SRGAP2B: variants seen among roughly 807,000 people sequenced by gnomAD.
SRGAP2B encodes the protein SLIT-ROBO Rho GTPase-activating protein 2B.
A neutral mutation model predicts 22.2 loss-of-function variants in SRGAP2B; 9 were observed. That is an observed-to-expected ratio of 0.41 (90% confidence interval 0.24 to 0.71). The LOEUF is 0.71. SRGAP2B is among the 30% of genes least tolerant of loss of function. SRGAP2B has a pLI of 0.35. For missense variants in SRGAP2B, 114 were observed against 235.8 expected (o/e 0.48, Z 3.38); for synonymous variants, 36 against 87.4 (o/e 0.41, Z 3.28).
At position 144,930,981 on chromosome 1, in the gene SRGAP2B, T is replaced by C. The variant is rs1349171880; in HGVS notation, c.424-16227A>G. 1.3e-4 allele frequency among the ~76,000 whole-genome samples: 19 copies of C among 146,706 alleles called. 1 individual carries two copies. The highest frequency in any genetic ancestry group is 4.8e-4 in the African/African-American group (18 of 37,712). On this transcript the variant is annotated intron_variant, in intron 4 of 9. Coordinates refer to ENST00000612199, the Ensembl canonical transcript of SRGAP2B. The stretch of plus-strand genomic sequence containing the variant: ...TGGCATTCGAGGCTCTTTTCGGCTT[T>C]GTTTCAAGCTGCTCTCCTCATTAAC...
chr1:145,075,782 A>G (rs1272546782), intron 2 of SRGAP2B, among the ~76,000 whole-genome samples: 1 of 147,630 alleles, frequency 6.8e-6, no homozygotes, highest in Non-Finnish European at 1.5e-5. Context: ...TTGTCTCTAG[A>G]TTGCAATTTA....
At chr1:145,080,890 C>G (rs1347580447) in intron 2 of SRGAP2B, among the ~76,000 whole-genome samples, 3 of 149,232 alleles carry the variant, frequency 2.0e-5, no homozygotes, top group Admixed American at 6.6e-5. Context: ...AATAATGAAC[C>G]CTGAAAGCTG....
rs1198488404 is a variant in SRGAP2B at position 144,981,040 on chromosome 1, G to A, written c.260+13968C>T. 4.7e-5 allele frequency among the ~76,000 whole-genome samples: 7 copies of A among 148,426 alleles called. No homozygotes were observed. The East Asian group carries it at 9.9e-4, about 21-fold the overall frequency. ...CTTATTATTCTCTCTCAGCCTGCCC[G>A]ATTTCCCCCATTTCAATTATAAAAA... On this transcript the variant is annotated intron_variant, in intron 3 of 9. Coordinates refer to ENST00000612199, the Ensembl canonical transcript of SRGAP2B.
intron 2 of SRGAP2B, among the ~76,000 whole-genome samples, chr1:145,006,951 C>T (rs1317522395): frequency 1.3e-5 from 2 of 150,764 alleles, no homozygotes; most frequent in African/African-American, 5.0e-5. Flanking sequence ...GTTCTGCCAC[C>T]TGGTACCTGT....
intron 3 of SRGAP2B, among the ~76,000 whole-genome samples, chr1:144,973,057 A>C (rs1379506911): frequency 7.0e-6 from 1 of 143,634 alleles, no homozygotes; most frequent in Non-Finnish European, 1.5e-5. Flanking sequence ...GCAGTGAGCC[A>C]AGATGGCGCC....
chr1:144,911,656 C>G (rs1324743833), intron 5 of SRGAP2B, among the ~76,000 whole-genome samples: 3 of 146,508 alleles, frequency 2.0e-5, no homozygotes, highest in African/African-American at 5.2e-5. Flanking sequence ...CTTGCTCTGT[C>G]CCCCAGGCTG....
At chr1:144,955,524 T>A (rs782288888) in exon 4 of SRGAP2B, 2 of 1,019,030 alleles carry the variant, frequency 2.0e-6, no homozygotes, top group African/African-American at 3.5e-5. Context: ...CAGGGTGGTA[T>A]GGTCCCTGCT....
At chr1:144,997,550 A>T (rs1468513943) in intron 2 of SRGAP2B, among the ~76,000 whole-genome samples, 3 of 150,014 alleles carry the variant, frequency 2.0e-5, no homozygotes, top group African/African-American at 7.6e-5. Context: ...GGTCCCTCTG[A>T]GTCCCCTGTA....
chr1:144,939,467 T>C (rs1665867375), intron 4 of SRGAP2B, among the ~76,000 whole-genome samples: 2 of 147,540 alleles, frequency 1.4e-5, no homozygotes, highest in Non-Finnish European at 3.0e-5. Flanking sequence ...ACTCATTACA[T>C]TGCTATCTAA....
chr1:145,044,798 A>T (rs1418922517), intron 2 of SRGAP2B, among the ~76,000 whole-genome samples: 1 of 145,172 alleles, frequency 6.9e-6, no homozygotes, highest in Admixed American at 6.9e-5. Context: ...GGGTAATATT[A>T]GTCCTGATGG....
chr1:144,926,948 T>C (rs1326149468), intron 4 of SRGAP2B, among the ~76,000 whole-genome samples: 16 of 151,970 alleles, frequency 1.1e-4, no homozygotes, highest in Non-Finnish European at 2.2e-4. Flanking sequence ...CTATATTTTT[T>C]TTCTTTTTTC....
chr1:145,093,988 C>T (rs1248543624), intron 1 of SRGAP2B, among the ~76,000 whole-genome samples: 5 of 148,598 alleles, frequency 3.4e-5, no homozygotes, highest in Non-Finnish European at 7.4e-5. Context: ...AAAAAGCCTG[C>T]TCGGCACGGG....
chr1:144,990,682 G>A (rs191027385), intron 3 of SRGAP2B, among the ~76,000 whole-genome samples: 6 of 150,236 alleles, frequency 4.0e-5, no homozygotes, highest in Admixed American at 2.0e-4. Flanking sequence ...GGCTGCGTGC[G>A]GCGCTTGCGG....
intron 2 of SRGAP2B, among the ~76,000 whole-genome samples, chr1:144,999,918 C>G (rs1442799567): frequency 6.7e-6 from 1 of 148,486 alleles, no homozygotes; most frequent in Non-Finnish European, 1.5e-5. Flanking sequence ...GAATTGTACA[C>G]TTTAAAAGAG....
At chr1:144,941,004 A>T (rs1176184952) in intron 4 of SRGAP2B, among the ~76,000 whole-genome samples, 10 of 147,860 alleles carry the variant, frequency 6.8e-5, no homozygotes, top group South Asian at 4.2e-4. Flanking sequence ...TCTCATTTTT[A>T]AAAAAAATGT....
intron 3 of SRGAP2B, among the ~76,000 whole-genome samples, chr1:144,991,040 C>A (rs1267059994): frequency 1.3e-5 from 2 of 150,832 alleles, no homozygotes; most frequent in East Asian, 2.0e-4. Flanking sequence ...TGCGAGCGCA[C>A]AGCGCAGGAC....
intron 4 of SRGAP2B, among the ~76,000 whole-genome samples, chr1:144,915,318 T>A (rs1166215143): frequency 6.6e-5 from 10 of 150,688 alleles, no homozygotes; most frequent in Non-Finnish European, 1.0e-4. Flanking sequence ...TGTTACTAGA[T>A]GCTGAAAATA....
intron 3 of SRGAP2B, among the ~76,000 whole-genome samples, chr1:144,983,841 C>A (rs1403050387): frequency 6.6e-6 from 1 of 150,378 alleles, no homozygotes; most frequent in East Asian, 1.9e-4. Context: ...CCCCTCTGTG[C>A]ACGTGTGCAA....
chr1:144,966,633 A>T (rs1570879331), intron 3 of SRGAP2B, among the ~76,000 whole-genome samples: 2 of 146,618 alleles, frequency 1.4e-5, no homozygotes, highest in East Asian at 3.9e-4. Flanking sequence ...TCAAATTCAC[A>T]CATAACAATA....
Sources: gnomAD v4.1 joint callset for allele counts (sites outside exome capture counted in the v4.1 genomes callset) on GRCh38, gnomAD v4.1.1 for gene constraint, MANE v1.5 for transcripts, NCBI Gene and HGNC (gene_info 2026-07-23, HGNC 2026-07-21) for gene names.